Variants in NCKAP5 observed in about 807,000 individuals in gnomAD.
The protein encoded by NCKAP5 is NCK associated protein 5, also known as nck-associated protein 5.
A neutral mutation model predicts 167.0 loss-of-function variants in NCKAP5; 92 were observed. The observed-to-expected ratio is 0.55, with a 90% CI of 0.47 to 0.66. NCKAP5 has a LOEUF of 0.66. Ranked by LOEUF, NCKAP5 falls within the 30% of genes least tolerant of loss-of-function variation. The pLI is 0.00. For synonymous variants in NCKAP5, 891 were observed against 877.4 expected, an observed-to-expected ratio of 1.02 and a Z score of -0.27; for missense variants, 2,378 against 2,315.0, an observed-to-expected ratio of 1.03 and a Z score of -0.56.
In NCKAP5 at chr2:132,782,709, A is replaced by G. The variant is rs764631831; in HGVS notation, c.4102T>C (p.Leu1368=). The change falls in exon 14 of 20, where the codon TTG becomes CTG. Residue 1368 remains leucine (L), a synonymous_variant. Coordinates refer to ENST00000409261, the MANE Select transcript of NCKAP5 (RefSeq NM_207363.3). The part of the protein sequence containing the change: ...FSSQHGSPSK[L]PLRIPPKSEG... ...GACTTTGGAGGGATCCTCAAAGGCA[A>G]CTTACTTGGGCTCCCATGCTGACTG... The G allele has an allele frequency of 5.0e-6, 8 of 1,613,810 alleles. No homozygotes were observed. In the East Asian group the frequency reaches 1.8e-4, roughly 36 times the overall value.
At chr2:133,188,186 C>A (rs2085038139) in intron 5 of NCKAP5, among the ~76,000 whole-genome samples, 1 of 151,798 alleles carries the variant, frequency 6.6e-6, no homozygotes, top group Non-Finnish European at 1.5e-5. Flanking sequence ...CAAAATCTCT[C>A]AGCATTTGCT....
intron 8 of NCKAP5, among the ~76,000 whole-genome samples, chr2:132,883,205 T>TACACACACAC (rs3044408): frequency 0.027 from 3,766 of 139,682 alleles, 139 homozygotes; most frequent in African/African-American, 0.068. Context: ...CTGACTCAAA[T>TACACACACAC]ACACACACAC....
the NCKAP5 span, among the ~76,000 whole-genome samples, chr2:133,667,831 C>G: frequency 6.6e-6 from 1 of 151,858 alleles, no homozygotes; most frequent in South Asian, 2.1e-4. Flanking sequence ...GAGCACAATT[C>G]AGTAGGCTTT....
chr2:133,326,433 G>A (rs1682449096), intron 3 of NCKAP5, among the ~76,000 whole-genome samples: 1 of 144,072 alleles, frequency 6.9e-6, no homozygotes, highest in Non-Finnish European at 1.5e-5. Flanking sequence ...CTCCAGCCTG[G>A]TGACAGAGCA....
intron 8 of NCKAP5, among the ~76,000 whole-genome samples, chr2:132,924,505 A>T (rs1272461262): frequency 6.6e-6 from 1 of 152,180 alleles, no homozygotes; most frequent in Non-Finnish European, 1.5e-5. Flanking sequence ...TCCCACTTTA[A>T]ATGCAGTATG....
intron 13 of NCKAP5, among the ~76,000 whole-genome samples, chr2:132,789,038 C>T (rs191206208): frequency 4.6e-5 from 7 of 152,282 alleles, no homozygotes; most frequent in Admixed American, 2.6e-4. Context: ...ACCTGAGTGT[C>T]CATGAAGTGC....
At chr2:132,890,622 T>C (rs1172901207) in intron 8 of NCKAP5, among the ~76,000 whole-genome samples, 1 of 152,128 alleles carries the variant, frequency 6.6e-6, no homozygotes, top group Non-Finnish European at 1.5e-5. Context: ...TGATATAAAG[T>C]CTGAATACAA....
intron 6 of NCKAP5, among the ~76,000 whole-genome samples, chr2:133,014,023 A>T (rs79719071): frequency 0.054 from 8,158 of 152,174 alleles, 663 homozygotes; most frequent in African/African-American, 0.18. Flanking sequence ...CTGCTCTTAA[A>T]GTCTTCTAAC....
At chr2:132,795,622 C>A (rs1684515953) in intron 12 of NCKAP5, among the ~76,000 whole-genome samples, 1 of 151,910 alleles carries the variant, frequency 6.6e-6, no homozygotes. Context: ...AGTTCGAGAC[C>A]AGCCTGACTA....
intron 4 of NCKAP5, among the ~76,000 whole-genome samples, chr2:133,239,433 C>T (rs900680301): frequency 2.0e-5 from 3 of 152,034 alleles, no homozygotes; most frequent in Non-Finnish European, 4.4e-5. Context: ...CGTGAAATAC[C>T]ACAACATGGA....
Position 133,130,131 on chromosome 2 carries a change from G to T in NCKAP5, c.208-20C>A. The stretch of plus-strand genomic sequence containing the variant: ...CTCATGCTATAAAAGACACAAAGGG[G>T]ATGACTTTTAGGAAGGTGTTTATGA... On this transcript the variant is annotated intron_variant, in intron 5 of 19. Transcript: ENST00000409261. The T allele has an allele frequency of 6.3e-7, 1 of 1,597,922 alleles. No individual in the cohort carries two copies. Among genetic ancestry groups the T allele is most frequent in the Non-Finnish European group, 8.5e-7 (1 of 1,175,544 alleles).
intron 6 of NCKAP5, among the ~76,000 whole-genome samples, chr2:133,111,026 C>T (rs1386559410): frequency 1.3e-5 from 2 of 152,194 alleles, no homozygotes; most frequent in Admixed American, 6.5e-5. Context: ...CAGTCTTATC[C>T]GATTAAGGTC....
At chr2:132,937,567 T>A (rs1024552208) in intron 8 of NCKAP5, among the ~76,000 whole-genome samples, 32 of 152,160 alleles carry the variant, frequency 2.1e-4, no homozygotes, top group African/African-American at 7.7e-4. Flanking sequence ...ACGTTAGGAA[T>A]TAGGACCAGT....
At chr2:132,975,853 T>C (rs78737123) in intron 7 of NCKAP5, among the ~76,000 whole-genome samples, 5,353 of 151,830 alleles carry the variant, frequency 0.035, 143 homozygotes, top group Non-Finnish European at 0.056. Context: ...CTTTATCCTG[T>C]TTTCTAAAGG....
At chr2:132,979,538 G>A (rs917593715) in intron 7 of NCKAP5, among the ~76,000 whole-genome samples, 2 of 152,134 alleles carry the variant, frequency 1.3e-5, no homozygotes, top group South Asian at 2.1e-4. Context: ...TCAGAGCCCC[G>A]AGAGGTTAAG....
intron 3 of NCKAP5, among the ~76,000 whole-genome samples, chr2:133,375,004 C>G (rs1034573177): frequency 6.6e-6 from 1 of 152,168 alleles, no homozygotes; most frequent in African/African-American, 2.4e-5. Flanking sequence ...AGTTCACAAA[C>G]TCAGTCAGTC....
chr2:133,466,744 T>A (rs1692626827), intron 3 of NCKAP5, among the ~76,000 whole-genome samples: 1 of 152,162 alleles, frequency 6.6e-6, no homozygotes, highest in South Asian at 2.1e-4. Flanking sequence ...TAAGTTGGAT[T>A]CCTAGGTATT....
intron 16 of NCKAP5, among the ~76,000 whole-genome samples, chr2:132,760,401 T>C (rs1256154190): frequency 6.6e-6 from 1 of 152,200 alleles, no homozygotes; most frequent in Non-Finnish European, 1.5e-5. Flanking sequence ...AGATACAAAT[T>C]ATATCTTCAA....
chr2:133,498,895 T>TC (rs1682220764), intron 3 of NCKAP5, among the ~76,000 whole-genome samples: 1 of 152,238 alleles, frequency 6.6e-6, no homozygotes, highest in Non-Finnish European at 1.5e-5. Context: ...TTATCTTGGC[T>TC]TCCACAGATA....
Sources: gnomAD v4.1 joint callset for allele counts (sites outside exome capture counted in the v4.1 genomes callset) on GRCh38, gnomAD v4.1.1 for gene constraint, MANE v1.5 for transcripts, NCBI Gene and HGNC (gene_info 2026-07-23, HGNC 2026-07-21) for gene names.